ATXN1: variants seen among roughly 807,000 people sequenced by gnomAD.
The protein encoded by ATXN1 is ataxin 1, also known as ataxin-1.
ATXN1 carries 8 observed loss-of-function variants against 56.4 expected under a neutral mutation model. The observed-to-expected ratio is 0.14, with a 90% CI of 0.08 to 0.26. The LOEUF (loss-of-function observed/expected upper bound fraction) is 0.26. ATXN1 is among the 10% of genes least tolerant of loss of function. The pLI is 1.00. For synonymous variants in ATXN1, 514 were observed against 494.6 expected (o/e 1.04, Z -0.52); for missense variants, 987 against 1,106.5 (o/e 0.89, Z 1.53).
chr6:16,544,968 C>T (rs1211408510), intron 4 of ATXN1, among the ~76,000 whole-genome samples: 1 of 152,130 alleles, frequency 6.6e-6, no homozygotes, highest in Non-Finnish European at 1.5e-5. Flanking sequence ...TGATCACAGC[C>T]AGGCTTCCAG....
chr6:16,355,599 T>G (rs1273615381), intron 6 of ATXN1, among the ~76,000 whole-genome samples: 3 of 150,830 alleles, frequency 2.0e-5, no homozygotes, highest in Non-Finnish European at 3.0e-5. Context: ...TCTCGCTCTG[T>G]CGCCCAGGCC....
chr6:16,646,640 G>A (rs923072963), intron 3 of ATXN1, among the ~76,000 whole-genome samples: 6 of 152,168 alleles, frequency 3.9e-5, no homozygotes, highest in Non-Finnish European at 7.3e-5. Flanking sequence ...TTGGGCACAC[G>A]CCCTCCCGTG....
intron 4 of ATXN1, among the ~76,000 whole-genome samples, chr6:16,578,028 T>G (rs1371345210): frequency 1.3e-5 from 2 of 152,248 alleles, no homozygotes; most frequent in Admixed American, 6.5e-5. Context: ...GTATTTCATT[T>G]TCTCCCACTA....
At chr6:16,577,543 G>GA (rs987258246) in intron 4 of ATXN1, among the ~76,000 whole-genome samples, 6 of 146,298 alleles carry the variant, frequency 4.1e-5, no homozygotes, top group Non-Finnish European at 6.0e-5. Context: ...AAAAAAAAAG[G>GA]AAAAAAAATC....
intron 3 of ATXN1, among the ~76,000 whole-genome samples, chr6:16,655,190 G>C (rs889268160): frequency 6.6e-6 from 1 of 152,058 alleles, no homozygotes; most frequent in Non-Finnish European, 1.5e-5. Context: ...AAAAACAAAG[G>C]ACAGTATTTC....
At chr6:16,429,530 G>A (rs1759235095) in intron 6 of ATXN1, among the ~76,000 whole-genome samples, 1 of 147,664 alleles carries the variant, frequency 6.8e-6, no homozygotes, top group African/African-American at 2.5e-5. Flanking sequence ...TGATTCTCAT[G>A]CCTTAGCCTC....
At chr6:16,386,366 G>A (rs1044677965) in intron 6 of ATXN1, among the ~76,000 whole-genome samples, 1 of 152,148 alleles carries the variant, frequency 6.6e-6, no homozygotes, top group African/African-American at 2.4e-5. Context: ...TAAAAAAATG[G>A]GGAGTTCAGG....
At chr6:16,308,652 C>T (rs918525233) in intron 7 of ATXN1, among the ~76,000 whole-genome samples, 3 of 152,090 alleles carry the variant, frequency 2.0e-5, no homozygotes, top group Non-Finnish European at 2.9e-5. Context: ...AGGTCTGAAG[C>T]TCAGATTGAC....
chr6:16,670,068 C>T (rs1561801493), intron 2 of ATXN1, among the ~76,000 whole-genome samples: 2 of 152,142 alleles, frequency 1.3e-5, no homozygotes. Flanking sequence ...TGTGGGTCCA[C>T]TAAGCCTGTT....
chr6:16,608,488 T>C (rs896811756), intron 3 of ATXN1, among the ~76,000 whole-genome samples: 1 of 152,230 alleles, frequency 6.6e-6, no homozygotes, highest in Non-Finnish European at 1.5e-5. Context: ...TATTATTCTT[T>C]GTTTCCTTAA....
At chr6:16,521,926 A>T (rs1393572808) in intron 5 of ATXN1, among the ~76,000 whole-genome samples, 1 of 152,216 alleles carries the variant, frequency 6.6e-6, no homozygotes, top group African/African-American at 2.4e-5. Context: ...GAGAAAGTCA[A>T]ATAGTCTATC....
rs1363381266 is a variant in ATXN1, at chr6:16,306,823, C to G, written c.1954G>C (p.Val652Leu). ...VEVLVEYPFF[V>L]FGQGWSSCCP... is the part of the protein sequence containing the mutation. ...CAGGATGACCAGCCCTGTCCAAACA[C>G]AAAAAAAGGATACTCTACCAAAACT... Residue 652 changes from valine to leucine, a missense_variant, in exon 8 of 8, where the codon GTG becomes CTG. By Grantham distance (32) the Val-to-Leu change is conservative. Transcript: ENST00000436367. The surrounding 1 kb of genome is among the most constrained non-coding windows in gnomAD (Gnocchi z 5.2). The G allele has an allele frequency of 1.2e-6, 2 of 1,603,000 alleles. No homozygotes were observed. The highest frequency in any genetic ancestry group is 1.7e-6 in the Non-Finnish European group (2 of 1,177,362).
At chr6:16,501,171 G>T (rs1760878936) in intron 5 of ATXN1, among the ~76,000 whole-genome samples, 1 of 152,228 alleles carries the variant, frequency 6.6e-6, no homozygotes, top group Non-Finnish European at 1.5e-5. Flanking sequence ...CTTGAGTGAA[G>T]ACTCCATTTC....
At chr6:16,749,678 A>G (rs1322665089) in intron 2 of ATXN1, among the ~76,000 whole-genome samples, 3 of 152,178 alleles carry the variant, frequency 2.0e-5, no homozygotes, top group Non-Finnish European at 2.9e-5. Flanking sequence ...GACGAAGGCC[A>G]TGCCACATCA....
intron 6 of ATXN1, among the ~76,000 whole-genome samples, chr6:16,382,381 T>G (rs1329418903): frequency 6.6e-6 from 1 of 151,854 alleles, no homozygotes; most frequent in African/African-American, 2.4e-5. Context: ...AAGCATCACT[T>G]GGGCCCAGAA....
At chr6:16,509,234 C>G (rs1054694839) in intron 5 of ATXN1, among the ~76,000 whole-genome samples, 2 of 152,220 alleles carry the variant, frequency 1.3e-5, no homozygotes, top group Admixed American at 6.5e-5. Flanking sequence ...CTACCTCTCT[C>G]TGATGCCACT....
intron 4 of ATXN1, among the ~76,000 whole-genome samples, chr6:16,552,085 C>T (rs1014468115): frequency 6.6e-6 from 1 of 152,202 alleles, no homozygotes; most frequent in Non-Finnish European, 1.5e-5. Context: ...TGCTAAGGCA[C>T]TCTCCAAGGA....
At chr6:16,633,502 T>C (rs1196705016) in intron 3 of ATXN1, among the ~76,000 whole-genome samples, 3 of 152,184 alleles carry the variant, frequency 2.0e-5, no homozygotes, top group Non-Finnish European at 2.9e-5. Flanking sequence ...CCCAATTTGC[T>C]TCCAGTTCTT....
intron 3 of ATXN1, among the ~76,000 whole-genome samples, chr6:16,591,812 T>A (rs1762728166): frequency 6.6e-6 from 1 of 152,044 alleles, no homozygotes; most frequent in Admixed American, 6.6e-5. Flanking sequence ...CTTATGACTA[T>A]GGTGAAAAGG....
Sources: allele counts gnomAD v4.1 joint callset (sites outside exome capture counted in the v4.1 genomes callset), GRCh38; gene constraint gnomAD v4.1.1; non-coding constraint Gnocchi (gnomAD v3.1); transcripts MANE v1.5; gene names NCBI Gene and HGNC (gene_info 2026-07-23, HGNC 2026-07-21).